Variants in APOD observed in about 807,000 individuals in gnomAD.
APOD encodes the protein apo-D.
In APOD, 22 loss-of-function variants were observed where a neutral mutation model predicts 20.4. The ratio of observed to expected loss-of-function variants is 1.08; its 90% CI spans 0.77 to 1.54. The LOEUF is 1.54. Among genes scored for constraint, APOD ranks in the 40% most tolerant of loss-of-function variants. The pLI, the probability that APOD is intolerant of heterozygous loss-of-function variation, is 0.00. For missense variants in APOD, 223 were observed against 229.6 expected, an observed-to-expected ratio of 0.97 and a Z score of 0.19; for synonymous variants, 97 against 92.4, an observed-to-expected ratio of 1.05 and a Z score of -0.29.
At chr3:195,580,164 T>A (rs1720311234) in intron 1 of APOD, among the ~76,000 whole-genome samples, 1 of 152,172 alleles carries the variant, frequency 6.6e-6, no homozygotes, top group Non-Finnish European at 1.5e-5. Context: ...CCTTAGCTTC[T>A]TTGTCTAGTA....
At chr3:195,574,644 C>T (rs956190466) in intron 2 of APOD, among the ~76,000 whole-genome samples, 1 of 152,172 alleles carries the variant, frequency 6.6e-6, no homozygotes, top group Admixed American at 6.5e-5. Flanking sequence ...ACATATTATA[C>T]TCTTTGGCCC....
chr3:195,568,718 C>T lies in APOD; in HGVS notation c.*182G>A, dbSNP rs765861968. 24 of 599,736 alleles carry T rather than the reference C, an allele frequency of 4.0e-5. No individual in the cohort carries two copies. Among genetic ancestry groups the T allele is most frequent in the Non-Finnish European group, 5.7e-5 (19 of 336,010 alleles). The allele number at this position is 599,736 out of a possible 1,614,324, so 37.2% of individuals were successfully genotyped here. ...AATTAATCCAACTTGGAATCTACTG[C>T]GAGCACAGCAGGTCAGCAACAAGTT... is the stretch of plus-strand genomic sequence containing the variant. On this transcript the variant is annotated 3_prime_UTR_variant, in exon 5 of 5. Coordinates refer to ENST00000343267, the MANE Select transcript of APOD (RefSeq NM_001647.4).
chr3:195,569,785 C>CTTT (rs1560457392), intron 4 of APOD, among the ~76,000 whole-genome samples: 13 of 86,878 alleles, frequency 1.5e-4, no homozygotes, highest in South Asian at 4.8e-4. Flanking sequence ...TCTTCTTCTT[C>CTTT]GTTTTTTTTT....
chr3:195,573,876 CTTTCCGT>C lies in APOD; in HGVS notation c.212_218del (p.Asn71ArgfsTer5). 1.2e-6 allele frequency: 2 copies of C among 1,614,190 alleles called. No individual in the cohort carries two copies. Among genetic ancestry groups the C allele is most frequent in the Middle Eastern group, 1.7e-4 (1 of 6,060 alleles). ...TCAACTCCTGGTTTAACACTTTGAT[CTTTCCGT>C]TTTCCATTAGTGAGTAGTTGGCCTG... On this transcript the variant is annotated frameshift_variant, in exon 3 of 5. Transcript: ENST00000343267. LOFTEE classifies it high-confidence loss of function.
chr3:195,570,969 G>A (rs928370694), intron 4 of APOD: 3 of 378,384 alleles, frequency 7.9e-6, no homozygotes, highest in Non-Finnish European at 1.5e-5. Context: ...TGTGTCTTCT[G>A]CAGCCCACAC....
chr3:195,569,753 C>T (rs1237422956), intron 4 of APOD, among the ~76,000 whole-genome samples: 1 of 143,178 alleles, frequency 7.0e-6, no homozygotes, highest in African/African-American at 2.6e-5. Flanking sequence ...CTCCCAGGCT[C>T]TAGGCCTCTT....
chr3:195,583,332 C>G (rs1720373594), intron 1 of APOD: 2 of 152,154 alleles, frequency 1.3e-5, no homozygotes, highest in East Asian at 1.9e-4. Context: ...ACGTGAAGGA[C>G]TAGATTTTGA....
chr3:195,579,125 C>A (rs1720292914), intron 2 of APOD, among the ~76,000 whole-genome samples: 1 of 152,194 alleles, frequency 6.6e-6, no homozygotes, highest in African/African-American at 2.4e-5. Context: ...TCCGACTCAC[C>A]TTCCCACCTG....
At chr3:195,571,685 T>C (rs1166012590) in intron 3 of APOD, among the ~76,000 whole-genome samples, 1 of 152,070 alleles carries the variant, frequency 6.6e-6, no homozygotes, top group Admixed American at 6.6e-5. Flanking sequence ...CTATCTTCTA[T>C]GGCCTGAAAG....
At position 195,573,989 on chromosome 3, in the gene APOD, A is replaced by G; in HGVS notation, c.124-18T>C. The G allele has an allele frequency of 1.9e-6, 3 of 1,613,132 alleles. No homozygotes were observed. Among genetic ancestry groups the G allele is most frequent in the Non-Finnish European group, 2.5e-6 (3 of 1,179,466 alleles). On this transcript the variant is annotated intron_variant, in intron 2 of 4. Transcript: ENST00000343267. ...CCGAGATACTGCAGAGACAACAAGC[A>G]GAGCAAAACCCTGTGGTTCTCTGGG...
In APOD at chr3:195,571,374, A is replaced by C. The variant is rs1720156600; in HGVS notation, c.246-9T>G. On this transcript the variant is annotated splice_polypyrimidine_tract_variant and intron_variant, in intron 3 of 4. Transcript: ENST00000343267. The stretch of plus-strand genomic sequence containing the variant: ...TCACAGTTCCATCAGCTCTGCAGTG[A>C]GTTAAAAAAAGAAAAAATACAAAAA... The C allele has an allele frequency of 9.4e-6, 15 of 1,590,506 alleles. No homozygotes were observed. The highest frequency in any genetic ancestry group is 2.2e-5 in the East Asian group (1 of 44,754).
Position 195,568,777 on chromosome 3 carries a change from A to G in APOD, c.*123T>C. ...AGCTAGCAAGGTAACAGGGTAGGGC[A>G]TGGTTACATGTTCAGGTCAACTTCC... is the stretch of plus-strand genomic sequence containing the variant. On this transcript the variant is annotated 3_prime_UTR_variant, in exon 5 of 5. Coordinates refer to ENST00000343267, the MANE Select transcript of APOD (RefSeq NM_001647.4). The G allele has an allele frequency of 4.3e-6, 3 of 696,972 alleles. No individual in the cohort carries two copies. Among genetic ancestry groups the G allele is most frequent in the Non-Finnish European group, 7.5e-6 (3 of 399,038 alleles). 43.2% of individuals were successfully genotyped at this position (696,972 alleles called of 1,614,324 possible). A position where few individuals can be genotyped will look rare whatever the true frequency, so the allele number is the denominator to read the frequency against.
rs115520843 is a variant in APOD at position 195,574,415 on chromosome 3, G to C, written c.124-444C>G. On this transcript the variant is annotated intron_variant, in intron 2 of 4. Transcript: ENST00000343267. The stretch of plus-strand genomic sequence containing the variant: ...TTAGTCATCAAGGCTTTGGAGAGGT[G>C]GTGGGGATTTGAAAGGTCTGTATCA... Among the ~76,000 whole-genome samples the C allele has an allele frequency of 9.7e-3, 1,471 of 152,236 alleles. 33 individuals are homozygous for C. Among genetic ancestry groups the C allele is most frequent in the African/African-American group, 0.034 (1,415 of 41,544 alleles).
intron 4 of APOD, 46 bp from the exon 5 acceptor site, chr3:195,569,181 G>T (rs980620658): frequency 6.5e-7 from 1 of 1,533,554 alleles, no homozygotes; most frequent in East Asian, 2.3e-5. Flanking sequence ...GAGGGCAAGA[G>T]AAATCTCAGG....
Position 195,571,297 on chromosome 3 carries a change from A to G in APOD, c.314T>C (p.Leu105Pro). ...CTTACACCAGGAAAACTTAACTTCC[A>G]GCTTGGCAGGCTCTGTGAGGTTAAC... ...TPVNLTEPAK[L>P]EVKFSWFMPS... The change falls in exon 4 of 5, where the codon CTG becomes CCG. Residue 105 changes from leucine (L) to proline (P), a missense_variant. Leu to Pro is a moderately conservative substitution (Grantham distance 98, BLOSUM62 -3). Coordinates refer to ENST00000343267, the MANE Select transcript of APOD (RefSeq NM_001647.4). The G allele has an allele frequency of 6.2e-7, 1 of 1,614,150 alleles. No homozygotes were observed.
At chr3:195,581,319 C>T (rs188750678) in intron 1 of APOD, among the ~76,000 whole-genome samples, 1 of 152,272 alleles carries the variant, frequency 6.6e-6, no homozygotes, top group East Asian at 1.9e-4. Flanking sequence ...ACTGTATAAA[C>T]AAAACCTGTC....
chr3:195,579,924 G>A (rs1011586872), intron 1 of APOD, among the ~76,000 whole-genome samples: 3 of 152,268 alleles, frequency 2.0e-5, no homozygotes, highest in South Asian at 2.1e-4. Flanking sequence ...CGAAAGACAC[G>A]AAACCAAACC....
At chr3:195,573,730 TA>T (rs1327458302) in intron 3 of APOD, 119 bp downstream of exon 3, 3 of 1,304,634 alleles carry the variant, frequency 2.3e-6, no homozygotes, top group East Asian at 4.8e-5. Flanking sequence ...CAATTCCTGC[TA>T]GGAGCAGGCA....
rs1463302117 is a variant in APOD, at chr3:195,573,765, T to A, written c.245+85A>T. ...CAGTCCCGATCCAGCAAGGTTCCCA[T>A]CCTCCCTGACCCAGGCTGCCGGACA... is the stretch of plus-strand genomic sequence containing the variant. On this transcript the variant is annotated intron_variant, in intron 3 of 4. Transcript: ENST00000343267. 1.2e-5 allele frequency: 18 copies of A among 1,528,818 alleles called. No individual in the cohort carries two copies. The East Asian group carries it at 3.9e-4, about 33-fold the overall frequency. The allele number at this position is 1,528,818 out of a possible 1,614,324, so 94.7% of individuals were successfully genotyped here.
Sources: allele counts gnomAD v4.1 joint callset (sites outside exome capture counted in the v4.1 genomes callset), GRCh38; gene constraint gnomAD v4.1.1; transcripts MANE v1.5; gene names NCBI Gene and HGNC (gene_info 2026-07-23, HGNC 2026-07-21).